TICRR: variants seen among roughly 807,000 people sequenced by gnomAD.
TICRR encodes TOPBP1 interacting checkpoint and replication regulator.
TICRR carries 132 observed loss-of-function variants against 178.1 expected under a neutral mutation model. That is an observed-to-expected ratio of 0.74 (90% CI 0.64 to 0.86). TICRR has a LOEUF of 0.86. TICRR is among the 40% of genes least tolerant of loss of function. TICRR has a pLI of 0.00. For missense variants in TICRR, 2,587 were observed against 2,334.3 expected (o/e 1.11, Z -2.23); for synonymous variants, 991 against 900.7 (o/e 1.10, Z -1.79).
chr15:89,577,515 A>C (rs1444390701), intron 1 of TICRR, among the ~76,000 whole-genome samples: 1 of 151,632 alleles, frequency 6.6e-6, no homozygotes, highest in Non-Finnish European at 1.5e-5. Context: ...ACAATTTCAA[A>C]TCATGCTCTG....
chr15:89,610,718 C>T (rs1334465235), intron 15 of TICRR, among the ~76,000 whole-genome samples: 1 of 152,098 alleles, frequency 6.6e-6, no homozygotes, highest in Non-Finnish European at 1.5e-5. Flanking sequence ...TAAGGAACAA[C>T]TGTCATTTTC....
intron 11 of TICRR, 56 bp from the exon 12 acceptor site, chr15:89,601,681 G>A (rs1963100380): frequency 1.2e-6 from 2 of 1,612,026 alleles, no homozygotes; most frequent in African/African-American, 1.3e-5. Flanking sequence ...GGGTGAGGGA[G>A]GGAATAGAGA....
chr15:89,576,162 G>T lies in TICRR; in HGVS notation c.576G>T (p.Leu192Phe). ...CCCCTAAGCAGGTGATGGAGAAGTT[G>T]TTGCCCAAGAGAGTCCGGGAAGTCA... is the stretch of plus-strand genomic sequence containing the variant. ...PPTPKQVMEK[L>F]LPKRVREVMV... Residue 192 changes from leucine (L) to phenylalanine (F), a missense_variant, in exon 1 of 22, where the codon TTG becomes TTT. Transcript: ENST00000268138. 1.2e-6 allele frequency: 2 copies of T among 1,605,160 alleles called. No homozygotes were observed. Among genetic ancestry groups the T allele is most frequent in the Admixed American group, 1.7e-5 (1 of 60,004 alleles).
intron 5 of TICRR, 82 bp from the exon 6 acceptor site, chr15:89,594,333 A>G (rs1962960546): frequency 8.0e-7 from 1 of 1,257,574 alleles, no homozygotes; most frequent in Admixed American, 2.4e-5. Context: ...TTTTTAGAGG[A>G]TAGTGGGTAT....
In TICRR at chr15:89,624,269, C is replaced by T; in HGVS notation, c.3959C>T (p.Ser1320Phe). The change falls in exon 20 of 22, where the codon TCC becomes TTC. Residue 1320 changes from serine to phenylalanine, a missense_variant. Ser to Phe is a radical substitution (Grantham distance 155). Coordinates refer to ENST00000268138, the MANE Select transcript of TICRR (RefSeq NM_152259.4). Reference sequence around the variant, plus strand: ...TTTACCTCTCCTTTATGTGATGTCTCCAAGAAGAGTCCATTTAGGAAATCT... The same window carrying T: ...TTTACCTCTCCTTTATGTGATGTCTTCAAGAAGAGTCCATTTAGGAAATCT... ...KLFTSPLCDV[S>F]KKSPFRKSKI... 2 of 1,614,192 alleles carry T rather than the reference C, an allele frequency of 1.2e-6. No individual in the cohort carries two copies. The highest frequency in any genetic ancestry group is 1.7e-6 in the Non-Finnish European group (2 of 1,180,038).
intron 21 of TICRR, among the ~76,000 whole-genome samples, chr15:89,626,642 TA>T (rs1884729780): frequency 6.6e-6 from 1 of 151,998 alleles, no homozygotes; most frequent in African/African-American, 2.4e-5. Context: ...GACCATGATA[TA>T]AATCATGCAA....
intron 17 of TICRR, among the ~76,000 whole-genome samples, chr15:89,618,516 A>G (rs904476625): frequency 5.9e-5 from 9 of 152,226 alleles, no homozygotes; most frequent in African/African-American, 2.2e-4. Context: ...GCTTTTCACT[A>G]CATATTTTTT....
rs1431641371 is a variant in TICRR at position 89,624,429 on chromosome 15, C to A, written c.4119C>A (p.Val1373=). 6.2e-7 allele frequency: 1 copy of A among 1,614,058 alleles called. No individual in the cohort carries two copies. The highest frequency in any genetic ancestry group is 1.3e-5 in the African/African-American group (1 of 74,928). ...ELSQRATLDT[V]PPPPPSKVGK... is the part of the protein sequence containing the mutation. ...CACAGAGAGCTACATTGGACACCGT[C>A]CCTCCTCCACCCCCTTCTAAAGTTG... The change falls in exon 20 of 22, where the codon GTC becomes GTA. Residue 1373 remains valine, a synonymous_variant. Coordinates refer to ENST00000268138, the MANE Select transcript of TICRR (RefSeq NM_152259.4).
intron 1 of TICRR, among the ~76,000 whole-genome samples, chr15:89,576,511 G>A (rs1332534569): frequency 6.6e-6 from 1 of 151,964 alleles, no homozygotes; most frequent in Non-Finnish European, 1.5e-5. Flanking sequence ...GCATATTGAA[G>A]TCCAGTCCAG....
chr15:89,592,771 T>C (rs565120464), intron 5 of TICRR, among the ~76,000 whole-genome samples: 1 of 152,350 alleles, frequency 6.6e-6, no homozygotes, highest in African/African-American at 2.4e-5. Context: ...GTAAACGATA[T>C]GGCAGAAATT....
Position 89,623,654 on chromosome 15 carries a change from G to A in TICRR, c.3344G>A (p.Ser1115Asn), listed in dbSNP as rs370324089. Residue 1115 changes from serine to asparagine, a missense_variant, in exon 20 of 22, where the codon AGC (serine) becomes AAC (asparagine). Transcript: ENST00000268138. ...AAGAAGAGTCACCAGAAATCTCTGA[G>A]CTTTTCTAAAACTACACCAAGAAGG... ...TPKKSHQKSLSFSKTTPRRIS... is the reference protein window; with the variant it reads ...TPKKSHQKSLNFSKTTPRRIS... 36 of 1,609,992 alleles carry A rather than the reference G, an allele frequency of 2.2e-5. No individual in the cohort carries two copies. Among genetic ancestry groups the A allele is most frequent in the Non-Finnish European group, 3.0e-5 (35 of 1,178,746 alleles).
chr15:89,595,600 C>G lies in TICRR; in HGVS notation c.1889C>G (p.Ser630Cys), dbSNP rs774289412. The G allele has an allele frequency of 1.2e-6, 2 of 1,613,250 alleles. No individual in the cohort carries two copies. The highest frequency in any genetic ancestry group is 1.3e-5 in the African/African-American group (1 of 75,026). The change falls in exon 7 of 22, where the codon TCT becomes TGT. Residue 630 changes from serine (S) to cysteine (C), a missense_variant. By Grantham distance (112) the Ser-to-Cys change is moderately radical (BLOSUM62 -1). Coordinates refer to ENST00000268138, the MANE Select transcript of TICRR (RefSeq NM_152259.4). ...LEDRGRTLRS[S>C]KPKDFKTEEE... ...GACAGAGGAAGAACACTAAGAAGTT[C>G]TAAACCTAAAGGTATTCCTCTTAGT...
rs150545336 is a variant in TICRR at position 89,592,183 on chromosome 15, C to T, written c.1541+7C>T. 1,449 of 1,609,434 alleles carry T rather than the reference C, an allele frequency of 9.0e-4. 18 individuals are homozygous for T. In the African/African-American group the frequency reaches 0.017, roughly 19 times the overall value. The stretch of plus-strand genomic sequence containing the variant: ...ATTTGATGGAGTCATTTGGGTAAAA[C>T]GTTTTTATATCTCTTGAATATTGAT... On this transcript the variant is annotated splice_region_variant and intron_variant, in intron 5 of 21. Coordinates refer to ENST00000268138, the MANE Select transcript of TICRR (RefSeq NM_152259.4).
intron 16 of TICRR, among the ~76,000 whole-genome samples, chr15:89,617,689 CTTTT>C (rs35732953): frequency 1.0e-5 from 1 of 98,768 alleles, no homozygotes; most frequent in African/African-American, 3.8e-5. Context: ...ACCCAGCTAT[CTTTT>C]TTTTTTTTTT....
At position 89,627,428 on chromosome 15, in the gene TICRR, A is replaced by C. The variant is rs1963553048; in HGVS notation, c.*342A>C. ...CACTCTGCCTCATTTATGCAAATGG[A>C]GAAAGGCGCCCTCCCTGGGGTCCCT... On this transcript the variant is annotated 3_prime_UTR_variant, in exon 22 of 22. Transcript: ENST00000268138. The C allele has an allele frequency of 3.7e-6, 1 of 271,572 alleles. No individual in the cohort carries two copies. Among genetic ancestry groups the C allele is most frequent in the Non-Finnish European group, 7.0e-6 (1 of 143,836 alleles). The allele number at this position is 271,572 out of a possible 1,614,324, so 16.8% of individuals were successfully genotyped here. A position where few individuals can be genotyped will look rare whatever the true frequency, so the allele number is the denominator to read the frequency against.
At chr15:89,608,091 C>T (rs766674269) in intron 14 of TICRR, among the ~76,000 whole-genome samples, 5 of 152,092 alleles carry the variant, frequency 3.3e-5, no homozygotes, top group Non-Finnish European at 4.4e-5. Context: ...GGACGATGAC[C>T]TATGTTAGCC....
chr15:89,592,835 A>C (rs1365141801), intron 5 of TICRR, among the ~76,000 whole-genome samples: 18 of 152,218 alleles, frequency 1.2e-4, no homozygotes, highest in Admixed American at 1.2e-3. Flanking sequence ...ACATATATCC[A>C]TTCAGTTGTT....
At chr15:89,578,937 CAGGG>C (rs143096999) in intron 1 of TICRR, among the ~76,000 whole-genome samples, 3,279 of 152,092 alleles carry the variant, frequency 0.022, 108 homozygotes, top group African/African-American at 0.073. Flanking sequence ...TGTCCAGGAG[CAGGG>C]AGAAGGGAGG....
rs200631269 is a variant in TICRR, at chr15:89,625,987, C to T, written c.5528C>T (p.Ala1843Val). 328 of 1,607,766 alleles carry T rather than the reference C, an allele frequency of 2.0e-4. 1 individual carries two copies. The South Asian group carries it at 2.6e-3, about 13-fold the overall frequency. Residue 1843 changes from alanine to valine, a missense_variant, in exon 21 of 22, where the codon GCC (alanine) becomes GTC (valine). Transcript: ENST00000268138. ...CAVRSCLSASALQALTQSPLL... is the reference protein window; with the variant it reads ...CAVRSCLSASVLQALTQSPLL... ...GTGCGGAGCTGCCTCTCTGCCAGTG[C>T]CCTCCAGGCTCTGACCCAGTCTCCG...
Sources: gnomAD v4.1 joint callset for allele counts (sites outside exome capture counted in the v4.1 genomes callset) on GRCh38, gnomAD v4.1.1 for gene constraint, MANE v1.5 for transcripts, NCBI Gene and HGNC (gene_info 2026-07-23, HGNC 2026-07-21) for gene names.